The following NDUFAF6 variants were observed in gnomAD, a reference collection of about 807,000 sequenced individuals.
NDUFAF6 encodes the protein NADH:ubiquinone oxidoreductase complex assembly factor 6.
Under a neutral mutation model 40.8 loss-of-function variants are expected in NDUFAF6, and 45 were observed. The ratio of observed to expected loss-of-function variants is 1.10; its 90% confidence interval spans 0.87 to 1.42. The LOEUF (loss-of-function observed/expected upper bound fraction) is 1.42, where lower values mean the gene tolerates loss of function less well. Among genes scored for constraint, NDUFAF6 ranks in the 40% most tolerant of loss-of-function variants. The pLI is 0.00. For missense variants in NDUFAF6, 435 were observed against 418.5 expected (o/e 1.04, Z -0.34); for synonymous variants, 185 against 155.9 (o/e 1.19, Z -1.39).
downstream of NDUFAF6, among the ~76,000 whole-genome samples, chr8:95,106,747 A>G (rs1480179889): frequency 6.6e-6 from 1 of 152,216 alleles, no homozygotes; most frequent in Non-Finnish European, 1.5e-5. Flanking sequence ...ACAAAGGGCT[A>G]ATATCCAGAA....
chr8:94,992,493 A>AC (rs1826239543), intron 2 of NDUFAF6, among the ~76,000 whole-genome samples: 1 of 151,180 alleles, frequency 6.6e-6, no homozygotes, highest in Non-Finnish European at 1.5e-5. Flanking sequence ...GTCTCAAAAG[A>AC]AAAAAAAATG....
rs760784180 is a variant in NDUFAF6 at position 95,035,592 on chromosome 8, T to A, written c.420+16T>A. ...ACTATGGAAGGTAAAAAAAAAAAAA[T>A]ACCACTTTTAATTTGTATGAATATT... is the stretch of plus-strand genomic sequence containing the variant. On this transcript the variant is annotated intron_variant, in intron 3 of 8. Transcript: ENST00000396124. The A allele has an allele frequency of 1.3e-4, 133 of 1,031,102 alleles. No individual in the cohort carries two copies. The highest frequency in any genetic ancestry group is 1.7e-4 in the Non-Finnish European group (115 of 677,676). The allele number at this position is 1,031,102 out of a possible 1,614,324, so 63.9% of individuals were successfully genotyped here.
At chr8:94,940,169 C>A in intron 1 of NDUFAF6, 1 of 1,614,006 alleles carries the variant, frequency 6.2e-7, no homozygotes, top group Non-Finnish European at 8.5e-7. Context: ...TGACTCTTCA[C>A]TGATGTCCTC....
At chr8:95,046,684 C>G (rs1045737598) in intron 5 of NDUFAF6, among the ~76,000 whole-genome samples, 1 of 152,130 alleles carries the variant, frequency 6.6e-6, no homozygotes, top group Non-Finnish European at 1.5e-5. Context: ...GGAAATTGCA[C>G]AGAGGAGAAG....
Position 95,032,034 on chromosome 8 carries a change from C to T in NDUFAF6, c.237C>T (p.Leu79=). 1 of 1,614,100 alleles carries T rather than the reference C, an allele frequency of 6.2e-7. No individual in the cohort carries two copies. The highest frequency in any genetic ancestry group is 1.1e-5 in the South Asian group (1 of 91,074). The change falls in exon 2 of 9, where the codon CTC becomes CTT. Residue 79 remains leucine (L), a synonymous_variant. Transcript: ENST00000396124. ...AAGGTTATTTATGCTCCCTGCTGCT[C>T]CCTGCAGAATCCCGAAGCTCTGTTT... ...DYEGYLCSLL[L]PAESRSSVFA...
At chr8:95,089,303 T>C (rs1809169266) in intron 2 of NDUFAF6, among the ~76,000 whole-genome samples, 1 of 151,914 alleles carries the variant, frequency 6.6e-6, no homozygotes, top group Admixed American at 6.6e-5. Context: ...CATGCCTGCA[T>C]GAACTCATGA....
upstream of NDUFAF6, among the ~76,000 whole-genome samples, chr8:94,956,457 T>A (rs1433133969): frequency 1.3e-5 from 2 of 152,024 alleles, no homozygotes; most frequent in African/African-American, 2.4e-5. Flanking sequence ...GGACCAGCAG[T>A]GTGGCCAGAG....
chr8:95,095,665 CT>C (rs11352275), upstream of NDUFAF6, among the ~76,000 whole-genome samples: 76,216 of 146,760 alleles, frequency 0.52, 20,540 homozygotes, highest in East Asian at 0.83. Context: ...GATCATTTCG[CT>C]TTTTTTTTTT....
At chr8:95,031,973 CT>C in intron 1 of NDUFAF6, 21 bp from the exon 2 acceptor site, 3 of 1,594,204 alleles carry the variant, frequency 1.9e-6, no homozygotes, top group Non-Finnish European at 2.6e-6. Flanking sequence ...GAGTAACTGT[CT>C]TTTTTTTCTG....
intron 1 of NDUFAF6, among the ~76,000 whole-genome samples, chr8:94,939,455 G>A (rs1194803877): frequency 6.6e-6 from 1 of 152,182 alleles, no homozygotes; most frequent in Non-Finnish European, 1.5e-5. Flanking sequence ...GATGTGCAGT[G>A]GCACAATCTT....
At chr8:94,937,305 G>T (rs1251334978) in intron 1 of NDUFAF6, among the ~76,000 whole-genome samples, 2 of 152,030 alleles carry the variant, frequency 1.3e-5, no homozygotes, top group African/African-American at 4.8e-5. Context: ...CCCAGGTATG[G>T]TGGCGGGCGC....
chr8:95,021,754 T>C (rs1030977028), upstream of NDUFAF6, among the ~76,000 whole-genome samples: 5 of 152,220 alleles, frequency 3.3e-5, no homozygotes, highest in African/African-American at 1.2e-4. Context: ...CCAGTAAATA[T>C]ATATAAGTGT....
At chr8:95,099,593 AAG>A (rs1449168083), upstream of NDUFAF6, among the ~76,000 whole-genome samples, 1 of 151,944 alleles carries the variant, frequency 6.6e-6, no homozygotes. Context: ...ATTAAAAAAA[AAG>A]AAAAAGAAAG....
At chr8:95,058,905 G>A (rs1019746279), downstream of NDUFAF6, among the ~76,000 whole-genome samples, 2 of 152,090 alleles carry the variant, frequency 1.3e-5, no homozygotes, top group Non-Finnish European at 2.9e-5. Flanking sequence ...ACATAAACTA[G>A]CCAGGTGTGG....
intron 1 of NDUFAF6, among the ~76,000 whole-genome samples, chr8:94,942,387 G>A (rs957575837): frequency 6.6e-5 from 10 of 151,790 alleles, no homozygotes; most frequent in Admixed American, 2.0e-4. Context: ...ACCAAGTCCC[G>A]TCAACCCCAG....
chr8:94,988,584 A>T (rs559557180), intron 2 of NDUFAF6: 1 of 152,312 alleles, frequency 6.6e-6, no homozygotes, highest in African/African-American at 2.4e-5. Context: ...CTTAGTCTGC[A>T]CTGCATTTGC....
At chr8:94,953,261 C>T (rs1207251474), upstream of NDUFAF6, among the ~76,000 whole-genome samples, 6 of 151,810 alleles carry the variant, frequency 4.0e-5, no homozygotes, top group African/African-American at 4.8e-5. Flanking sequence ...GCAGGAGAAT[C>T]GCTTGAACCG....
downstream of NDUFAF6, among the ~76,000 whole-genome samples, chr8:95,081,055 T>G (rs1417005803): frequency 6.6e-6 from 1 of 151,692 alleles, no homozygotes; most frequent in East Asian, 1.9e-4. Flanking sequence ...ATGGCTGCAC[T>G]GTCTTAGGCT....
intron 1 of NDUFAF6, among the ~76,000 whole-genome samples, chr8:94,971,871 G>A (rs1054276432): frequency 6.6e-6 from 1 of 151,930 alleles, no homozygotes; most frequent in African/African-American, 2.4e-5. Flanking sequence ...TCTGGAGGCG[G>A]ACGTTGCAGT....
Sources: allele counts gnomAD v4.1 joint callset (sites outside exome capture counted in the v4.1 genomes callset), GRCh38; gene constraint gnomAD v4.1.1; transcripts MANE v1.5; gene names NCBI Gene and HGNC (gene_info 2026-07-23, HGNC 2026-07-21).